The following CACNA2D4 variants were observed in gnomAD, a reference collection of about 807,000 sequenced individuals.
The protein encoded by CACNA2D4 is calcium voltage-gated channel auxiliary subunit alpha2delta 4.
Under a neutral mutation model 163.8 loss-of-function variants are expected in CACNA2D4, and 157 were observed. The ratio of observed to expected loss-of-function variants is 0.96; its 90% CI spans 0.84 to 1.09. The LOEUF is 1.09. Ranked by LOEUF, CACNA2D4 falls within the 50% of genes least tolerant of loss-of-function variation. The pLI, the probability that CACNA2D4 is intolerant of heterozygous loss-of-function variation, is 0.00. For synonymous variants in CACNA2D4, 598 were observed against 586.9 expected (o/e 1.02, Z -0.27); for missense variants, 1,410 against 1,479.9 (o/e 0.95, Z 0.78).
At chr12:1,886,485 G>T in intron 7 of CACNA2D4, 112 bp from the exon 8 acceptor site, 1 of 965,418 alleles carries the variant, frequency 1.0e-6, no homozygotes, top group Non-Finnish European at 1.5e-6. Context: ...CCCACCCAAA[G>T]TTCAGGGCAA....
At chr12:1,818,790 A>T (rs1863977252) in intron 26 of CACNA2D4, among the ~76,000 whole-genome samples, 1 of 142,056 alleles carries the variant, frequency 7.0e-6, no homozygotes, top group African/African-American at 2.7e-5. Context: ...AATAAATTAA[A>T]AAAAAAAAAA....
intron 26 of CACNA2D4, among the ~76,000 whole-genome samples, chr12:1,825,197 G>C (rs1460765257): frequency 6.6e-6 from 1 of 152,228 alleles, no homozygotes; most frequent in Non-Finnish European, 1.5e-5. Context: ...CCTGTTTGCT[G>C]GTTAACTCCT....
chr12:1,813,496 G>A (rs1006182010), intron 26 of CACNA2D4, among the ~76,000 whole-genome samples: 2 of 152,192 alleles, frequency 1.3e-5, no homozygotes, highest in African/African-American at 2.4e-5. Flanking sequence ...TGGCTAGCAC[G>A]CCTGAGGACC....
In CACNA2D4 at chr12:1,876,247, A is replaced by G. The variant is rs182633528; in HGVS notation, c.1720-910T>C. ...AGACTTTATGGCATCTGCCTTCTGC[A>G]TTTTCATCTTAGGGATAAAATATTT... On this transcript the variant is annotated intron_variant, in intron 16 of 37. Transcript: ENST00000382722. 1.4e-3 allele frequency among the ~76,000 whole-genome samples: 211 copies of G among 152,346 alleles called. 5 individuals carry two copies. The highest frequency in any genetic ancestry group is 0.012 in the Admixed American group (178 of 15,306).
At chr12:1,873,607 C>T (rs754431673) in intron 18 of CACNA2D4, among the ~76,000 whole-genome samples, 11 of 152,226 alleles carry the variant, frequency 7.2e-5, no homozygotes, top group Non-Finnish European at 1.5e-4. Flanking sequence ...TGTGGCCGTG[C>T]TGGGCTCCAT....
intron 6 of CACNA2D4, among the ~76,000 whole-genome samples, chr12:1,905,614 G>T (rs1014939676): frequency 9.2e-5 from 14 of 151,876 alleles, no homozygotes; most frequent in African/African-American, 3.1e-4. Context: ...ACATCAAAAA[G>T]AATAAAATAC....
At chr12:1,797,704 G>A in intron 34 of CACNA2D4, 169 bp from the exon 35 acceptor site, 1 of 612,722 alleles carries the variant, frequency 1.6e-6, no homozygotes. Flanking sequence ...TGAGGGGAGG[G>A]AAGACACCCG....
Position 1,869,724 on chromosome 12 carries a change from G to A in CACNA2D4, c.1878+4880C>T, listed in dbSNP as rs112656586. 4.2e-3 allele frequency among the ~76,000 whole-genome samples: 640 copies of A among 152,112 alleles called. 5 individuals are homozygous for A. Among genetic ancestry groups the A allele is most frequent in the African/African-American group, 0.015 (605 of 41,428 alleles). ...CAGTTTCATAAGGTCTAATCCCTAC[G>A]ATAAAATCCTACATTCTATCACTCC... On this transcript the variant is annotated intron_variant, in intron 18 of 37. Transcript: ENST00000382722. This position sits in a 1 kb window ranked among gnomAD's most constrained non-coding sequence, Gnocchi z 4.7.
chr12:1,794,740 C>G (rs531884728), intron 37 of CACNA2D4, among the ~76,000 whole-genome samples: 4 of 152,350 alleles, frequency 2.6e-5, no homozygotes, highest in African/African-American at 4.8e-5. Context: ...TTCGGACACT[C>G]TCCAAACACA....
rs138863267 is a variant in CACNA2D4, at chr12:1,854,658, G to T, written c.2153-614C>A. ...TGACCTCAAGTGATCTGCCCACCTT[G>T]GCCTCCTAAAGTGCTGGCATTATAG... is the stretch of plus-strand genomic sequence containing the variant. On this transcript the variant is annotated intron_variant, in intron 22 of 37. Coordinates refer to ENST00000382722, the MANE Select transcript of CACNA2D4 (RefSeq NM_172364.5). 9.9e-5 allele frequency among the ~76,000 whole-genome samples: 15 copies of T among 152,182 alleles called. 1 individual carries two copies. The East Asian group carries it at 2.9e-3, about 29-fold the overall frequency.
chr12:1,907,643 T>C, intron 5 of CACNA2D4, 72 bp from the exon 6 acceptor site: 7 of 1,440,386 alleles, frequency 4.9e-6, no homozygotes, highest in Non-Finnish European at 5.8e-6. Flanking sequence ...CCGGTGAGGG[T>C]GCCTGGTGGG....
chr12:1,805,022 C>T (rs1462159391), intron 29 of CACNA2D4, among the ~76,000 whole-genome samples: 2 of 152,218 alleles, frequency 1.3e-5, no homozygotes, highest in Non-Finnish European at 2.9e-5. Context: ...GATGCCTTGT[C>T]GATTTAGGAG....
At chr12:1,809,178 C>T (rs1259088630) in intron 29 of CACNA2D4, among the ~76,000 whole-genome samples, 1 of 152,116 alleles carries the variant, frequency 6.6e-6, no homozygotes, top group Non-Finnish European at 1.5e-5. Context: ...ATCCCTGCTC[C>T]AGTTCCTGCC....
intron 13 of CACNA2D4, 114 bp downstream of exon 13, chr12:1,882,753 C>T: frequency 9.1e-7 from 1 of 1,092,988 alleles, no homozygotes; most frequent in Non-Finnish European, 1.3e-6. Flanking sequence ...TCTTAATGTT[C>T]CCTAAGGAGG....
chr12:1,822,399 G>A (rs191244597), intron 26 of CACNA2D4, among the ~76,000 whole-genome samples: 2 of 152,182 alleles, frequency 1.3e-5, no homozygotes, highest in South Asian at 2.1e-4. Context: ...CTGCCCCTCT[G>A]GTCTTCCTCC....
intron 6 of CACNA2D4, among the ~76,000 whole-genome samples, chr12:1,907,199 A>G (rs1445306215): frequency 2.6e-5 from 4 of 152,214 alleles, no homozygotes; most frequent in Non-Finnish European, 5.9e-5. Context: ...GTGGGCATTC[A>G]TTGACTGGTT....
chr12:1,896,390 A>G (rs1866400426), intron 6 of CACNA2D4, among the ~76,000 whole-genome samples: 1 of 152,198 alleles, frequency 6.6e-6, no homozygotes, highest in Non-Finnish European at 1.5e-5. Flanking sequence ...TCAACAGTAA[A>G]AACAAAACAA....
chr12:1,901,401 G>T (rs1252193695), intron 6 of CACNA2D4, among the ~76,000 whole-genome samples: 1 of 151,816 alleles, frequency 6.6e-6, no homozygotes, highest in Non-Finnish European at 1.5e-5. Context: ...TCAATGAAAT[G>T]AAAAGTTGGT....
intron 18 of CACNA2D4, among the ~76,000 whole-genome samples, chr12:1,862,117 G>C (rs902144311): frequency 6.6e-6 from 1 of 152,178 alleles, no homozygotes; most frequent in Non-Finnish European, 1.5e-5. Context: ...ATGCTTCTAC[G>C]CTCATCGATT....
Sources: allele counts gnomAD v4.1 joint callset (sites outside exome capture counted in the v4.1 genomes callset), GRCh38; gene constraint gnomAD v4.1.1; non-coding constraint Gnocchi (gnomAD v3.1); transcripts MANE v1.5; gene names NCBI Gene and HGNC (gene_info 2026-07-23, HGNC 2026-07-21).